TMEM51: variants seen among roughly 807,000 people sequenced by gnomAD.
TMEM51 encodes transmembrane protein 51, also known as chromosome 1 open reading frame 72.
In TMEM51, 8 loss-of-function variants were observed where a neutral mutation model predicts 13.6. The observed-to-expected ratio is 0.59, with a 90% CI of 0.35 to 1.07. The LOEUF is 1.07. Ranked by LOEUF, TMEM51 falls within the 50% of genes least tolerant of loss-of-function variation. The pLI, the probability that TMEM51 is intolerant of heterozygous loss-of-function variation, is 0.02. For missense variants in TMEM51, 279 were observed against 330.7 expected (o/e 0.84, Z 1.21); for synonymous variants, 147 against 144.4 (o/e 1.02, Z -0.13).
At chr1:15,213,167 T>C (rs1354940122) in intron 2 of TMEM51, among the ~76,000 whole-genome samples, 1 of 152,222 alleles carries the variant, frequency 6.6e-6, no homozygotes, top group Non-Finnish European at 1.5e-5. Flanking sequence ...AATCCTTAAC[T>C]TGCTCACTGC....
chr1:15,185,351 T>G lies in TMEM51; in HGVS notation c.-266-25139T>G, dbSNP rs1289827536. Reference sequence around the variant, plus strand: ...TCCAAAAATTGCTATCCTTGTGACCTAGGCAGCCTTCTCTAACTGGGACTA... The same window carrying G: ...TCCAAAAATTGCTATCCTTGTGACCGAGGCAGCCTTCTCTAACTGGGACTA... On this transcript the variant is annotated intron_variant, in intron 1 of 3. Coordinates refer to ENST00000376008, the MANE Select transcript of TMEM51 (RefSeq NM_001136218.2). Among the ~76,000 whole-genome samples, 3 of 152,238 alleles carry G rather than the reference T, an allele frequency of 2.0e-5. No homozygotes were observed. The East Asian group carries it at 5.8e-4, about 29-fold the overall frequency.
intron 3 of TMEM51, among the ~76,000 whole-genome samples, chr1:15,216,920 T>TA (rs1644440954): frequency 6.6e-6 from 1 of 152,240 alleles, no homozygotes; most frequent in Non-Finnish European, 1.5e-5. Flanking sequence ...ACCAGAATGT[T>TA]ACAGTGGTTT....
chr1:15,174,174 A>G (rs1162739421), intron 1 of TMEM51, among the ~76,000 whole-genome samples: 2 of 152,236 alleles, frequency 1.3e-5, no homozygotes, highest in African/African-American at 2.4e-5. Context: ...AGCATTGGGC[A>G]TCTCTGAATG....
intron 3 of TMEM51, among the ~76,000 whole-genome samples, chr1:15,216,356 C>A (rs1644432475): frequency 6.6e-6 from 1 of 152,094 alleles, no homozygotes; most frequent in Non-Finnish European, 1.5e-5. Flanking sequence ...GATGAATATA[C>A]CAATAGGAAA....
In TMEM51 at chr1:15,161,637, A is replaced by G. The variant is rs1462496032; in HGVS notation, c.-267+7683A>G. On this transcript the variant is annotated intron_variant, in intron 1 of 3. Transcript: ENST00000376008. The surrounding 1 kb of genome is among the most constrained non-coding windows in gnomAD (Gnocchi z 4.0). ...AGAAATACCTGAGATTGGGTAATTT[A>G]TAAAGAAAAGAGATTTATTGGCCGG... is the stretch of plus-strand genomic sequence containing the variant. Among the ~76,000 whole-genome samples, 1 of 152,036 alleles carries G rather than the reference A, an allele frequency of 6.6e-6. No homozygotes were observed. The highest frequency in any genetic ancestry group is 1.5e-5 in the Non-Finnish European group (1 of 68,026).
chr1:15,217,660 A>G (rs1390682275), intron 3 of TMEM51, among the ~76,000 whole-genome samples: 1 of 152,146 alleles, frequency 6.6e-6, no homozygotes, highest in Admixed American at 6.5e-5. Context: ...CTAGTCTGAG[A>G]GCAGGAGAAG....
intron 3 of TMEM51, among the ~76,000 whole-genome samples, chr1:15,217,015 A>T (rs2100364784): frequency 6.6e-6 from 1 of 152,294 alleles, no homozygotes; most frequent in African/African-American, 2.4e-5. Context: ...AGCATTTCTT[A>T]TCTTTATAGT....
Position 15,154,227 on chromosome 1 carries a change from C to T in TMEM51, c.-267+273C>T, listed in dbSNP as rs1250348274. On this transcript the variant is annotated intron_variant, in intron 1 of 3. Coordinates refer to ENST00000376008, the MANE Select transcript of TMEM51 (RefSeq NM_001136218.2). The stretch of plus-strand genomic sequence containing the variant: ...GGAAGGCAGCTGGCCTTGGGGGCCC[C>T]CTGTTGGCGGGAACAGGTGCTATCC... Among the ~76,000 whole-genome samples, 2 of 152,194 alleles carry T rather than the reference C, an allele frequency of 1.3e-5. 1 individual carries two copies. Among genetic ancestry groups the T allele is most frequent in the South Asian group, 4.1e-4 (2 of 4,830 alleles).
rs1196083050 is a variant in TMEM51 at position 15,219,824 on chromosome 1, G to T, written c.*81G>T. ...CTCTAACAAAGCCACATGAGCCACA[G>T]TTGAGAAGCGGAGGGGCCAGCTGTG... On this transcript the variant is annotated 3_prime_UTR_variant, in exon 4 of 4. Coordinates refer to ENST00000376008, the MANE Select transcript of TMEM51 (RefSeq NM_001136218.2). The T allele has an allele frequency of 6.7e-6, 10 of 1,494,840 alleles. No homozygotes were observed. In the East Asian group the frequency reaches 2.3e-4, roughly 34 times the overall value. The allele number at this position is 1,494,840 out of a possible 1,614,324, so 92.6% of individuals were successfully genotyped here.
At chr1:15,169,001 C>T (rs1643138260) in intron 1 of TMEM51, among the ~76,000 whole-genome samples, 1 of 152,158 alleles carries the variant, frequency 6.6e-6, no homozygotes, top group South Asian at 2.1e-4. Flanking sequence ...ACATACAGTG[C>T]AAACTACCCC....
rs1337274887 is a variant in TMEM51, at chr1:15,207,533, G to C, written c.-266-2957G>C. ...AGACTCAATCCAGATGTGCCTGGCTGTGATGGCCCCACTCAGGTCTCAGCC... is the reference window on the plus strand; with the variant it reads ...AGACTCAATCCAGATGTGCCTGGCTCTGATGGCCCCACTCAGGTCTCAGCC... On this transcript the variant is annotated intron_variant, in intron 1 of 3. Coordinates refer to ENST00000376008, the MANE Select transcript of TMEM51 (RefSeq NM_001136218.2). The surrounding 1 kb of genome is among the most constrained non-coding windows in gnomAD (Gnocchi z 4.6). Among the ~76,000 whole-genome samples the C allele has an allele frequency of 6.6e-6, 1 of 152,192 alleles. No individual in the cohort carries two copies. The highest frequency in any genetic ancestry group is 1.5e-5 in the Non-Finnish European group (1 of 68,036).
chr1:15,203,949 C>T (rs1423093095), intron 1 of TMEM51, among the ~76,000 whole-genome samples: 2 of 152,202 alleles, frequency 1.3e-5, no homozygotes, highest in African/African-American at 2.4e-5. Flanking sequence ...CCCAGTCCCA[C>T]GGCATAACAG....
At chr1:15,168,051 T>C (rs1308311679) in intron 1 of TMEM51, among the ~76,000 whole-genome samples, 1 of 152,246 alleles carries the variant, frequency 6.6e-6, no homozygotes, top group Non-Finnish European at 1.5e-5. Context: ...CCATCTGCTA[T>C]TTCTTGTATA....
In TMEM51 at chr1:15,180,583, G is replaced by A. The variant is rs890588413; in HGVS notation, c.-267+26629G>A. Among the ~76,000 whole-genome samples, 9 of 152,104 alleles carry A rather than the reference G, an allele frequency of 5.9e-5. No individual in the cohort carries two copies. The East Asian group carries it at 7.7e-4, about 13-fold the overall frequency. ...TGGGGGCATGTTTAATTATATGAGCGGATGCATTGTGTAGTTCTTAGAGGC... is the reference window on the plus strand; with the variant it reads ...TGGGGGCATGTTTAATTATATGAGCAGATGCATTGTGTAGTTCTTAGAGGC... On this transcript the variant is annotated intron_variant, in intron 1 of 3. Transcript: ENST00000376008.
At chr1:15,183,302 T>C (rs927853363) in intron 1 of TMEM51, among the ~76,000 whole-genome samples, 1 of 152,254 alleles carries the variant, frequency 6.6e-6, no homozygotes, top group Admixed American at 6.5e-5. Flanking sequence ...GCATCCGTCA[T>C]GTGCGTAATA....
At chr1:15,160,061 G>T (rs1336177984) in intron 1 of TMEM51, among the ~76,000 whole-genome samples, 3 of 152,142 alleles carry the variant, frequency 2.0e-5, no homozygotes, top group African/African-American at 7.2e-5. Context: ...TCCTCAACAG[G>T]TAAAATTAGG....
At chr1:15,214,783 C>T in intron 2 of TMEM51, 112 bp from the exon 3 acceptor site, 1 of 338,020 alleles carries the variant, frequency 3.0e-6, no homozygotes, top group African/African-American at 2.1e-5. Flanking sequence ...CCAGCCAGAG[C>T]CGGCGTGCTC....
intron 1 of TMEM51, among the ~76,000 whole-genome samples, chr1:15,208,517 G>C (rs976457361): frequency 2.0e-5 from 3 of 152,114 alleles, no homozygotes; most frequent in African/African-American, 4.8e-5. Flanking sequence ...TGTAATCCCA[G>C]GTACTTGGGA....
intron 1 of TMEM51, among the ~76,000 whole-genome samples, chr1:15,173,379 C>T (rs1241315475): frequency 6.6e-6 from 1 of 151,978 alleles, no homozygotes; most frequent in Non-Finnish European, 1.5e-5. Context: ...ACTACCACGC[C>T]CAGCTAATTT....
Sources: allele counts gnomAD v4.1 joint callset (sites outside exome capture counted in the v4.1 genomes callset), GRCh38; gene constraint gnomAD v4.1.1; non-coding constraint Gnocchi (gnomAD v3.1); transcripts MANE v1.5; gene names NCBI Gene and HGNC (gene_info 2026-07-23, HGNC 2026-07-21).